The following BAALC variants were observed in gnomAD, a reference collection of about 807,000 sequenced individuals.
BAALC encodes brain and acute leukemia cytoplasmic protein.
A neutral mutation model predicts 15.5 loss-of-function variants in BAALC; 9 were observed. That is an observed-to-expected ratio of 0.58 (90% confidence interval 0.35 to 1.02). The LOEUF (loss-of-function observed/expected upper bound fraction) is 1.02, where lower values mean the gene tolerates loss of function less well. BAALC is among the 50% of genes least tolerant of loss of function. The pLI, the probability that BAALC is intolerant of heterozygous loss-of-function variation, is 0.02. For missense variants in BAALC, 201 were observed against 192.4 expected (o/e 1.04, Z -0.27); for synonymous variants, 80 against 74.6 (o/e 1.07, Z -0.37).
At chr8:103,224,792 G>A (rs759712850) in intron 2 of BAALC, among the ~76,000 whole-genome samples, 22 of 152,074 alleles carry the variant, frequency 1.4e-4, no homozygotes, top group Non-Finnish European at 2.8e-4. Flanking sequence ...AATGTTTTGG[G>A]GTAAAATATT....
At chr8:103,153,392 A>T (rs1404827797) in intron 1 of BAALC, 1 of 152,244 alleles carries the variant, frequency 6.6e-6, no homozygotes, top group East Asian at 1.9e-4. Flanking sequence ...AACAACAATA[A>T]TAATATTGTT....
intron 1 of BAALC, among the ~76,000 whole-genome samples, chr8:103,178,597 G>A (rs1026196831): frequency 2.4e-4 from 37 of 152,246 alleles, no homozygotes; most frequent in Non-Finnish European, 1.9e-4. Context: ...AGTGACTCAC[G>A]CCTGTAATCC....
Position 103,178,178 on chromosome 8 carries a change from G to C in BAALC, c.161-34741G>C, listed in dbSNP as rs115443010. ...TATCATACAAATAAATAGTGAGCAG[G>C]TATCACTATCTTTTTAACTCATTGA... is the stretch of plus-strand genomic sequence containing the variant. On this transcript the variant is annotated intron_variant, in intron 1 of 2. Transcript: ENST00000309982. 4.1e-3 allele frequency among the ~76,000 whole-genome samples: 623 copies of C among 152,286 alleles called. 7 individuals are homozygous for C. The highest frequency in any genetic ancestry group is 0.014 in the African/African-American group (595 of 41,548).
At chr8:103,213,270 G>C (rs143052013) in intron 2 of BAALC, 185 bp downstream of exon 2, 21 of 605,952 alleles carry the variant, frequency 3.5e-5, no homozygotes, top group Middle Eastern at 4.5e-4. Context: ...TGCCTTGAGG[G>C]TTGCTGCTTT....
intron 1 of BAALC, among the ~76,000 whole-genome samples, chr8:103,177,166 TTTTG>T (rs1563644205): frequency 2.3e-5 from 3 of 129,934 alleles, no homozygotes; most frequent in Non-Finnish European, 5.4e-5. Context: ...TGTGCGGGTT[TTTTG>T]TTGTTGTTGT....
chr8:103,194,706 G>A (rs1812052689), intron 1 of BAALC, among the ~76,000 whole-genome samples: 1 of 152,188 alleles, frequency 6.6e-6, no homozygotes, highest in African/African-American at 2.4e-5. Context: ...CAAGACCAAG[G>A]GGCCAGCAGG....
intron 1 of BAALC, among the ~76,000 whole-genome samples, chr8:103,207,459 T>C (rs1162848658): frequency 2.0e-5 from 3 of 152,168 alleles, no homozygotes; most frequent in Non-Finnish European, 2.9e-5. Flanking sequence ...GGAAGGCAGA[T>C]AGACAGTAGA....
At chr8:103,193,537 G>C (rs1008557434) in intron 1 of BAALC, among the ~76,000 whole-genome samples, 1 of 152,188 alleles carries the variant, frequency 6.6e-6, no homozygotes, top group Non-Finnish European at 1.5e-5. Flanking sequence ...CCCTGACCGT[G>C]TGTCAGCTCA....
chr8:103,173,646 A>G (rs1334125437), intron 1 of BAALC, among the ~76,000 whole-genome samples: 2 of 152,242 alleles, frequency 1.3e-5, no homozygotes, highest in Non-Finnish European at 2.9e-5. Flanking sequence ...TGTAGTAGGT[A>G]CTTGGTAAAG....
At chr8:103,171,285 G>A (rs1324082207) in intron 1 of BAALC, among the ~76,000 whole-genome samples, 2 of 145,630 alleles carry the variant, frequency 1.4e-5, no homozygotes, top group Non-Finnish European at 3.0e-5. Flanking sequence ...AAGAAAGAAA[G>A]AGAGAAGGAA....
chr8:103,211,773 T>C (rs1326877210), intron 1 of BAALC, among the ~76,000 whole-genome samples: 1 of 152,228 alleles, frequency 6.6e-6, no homozygotes, highest in African/African-American at 2.4e-5. Context: ...TGGGTTTTTC[T>C]TTCTCGCAGG....
At chr8:103,200,924 A>G (rs576556574) in intron 1 of BAALC, among the ~76,000 whole-genome samples, 33 of 152,328 alleles carry the variant, frequency 2.2e-4, no homozygotes, top group Admixed American at 1.8e-3. Context: ...ACCAACATTC[A>G]GACCATAGCA....
rs540261681 is a variant in BAALC, at chr8:103,189,072, A to G, written c.161-23847A>G. Among the ~76,000 whole-genome samples, 32 of 152,364 alleles carry G rather than the reference A, an allele frequency of 2.1e-4. 2 individuals carry two copies. In the South Asian group the frequency reaches 6.4e-3, roughly 31 times the overall value. On this transcript the variant is annotated intron_variant, in intron 1 of 2. Coordinates refer to ENST00000309982, the MANE Select transcript of BAALC (RefSeq NM_024812.3). Reference sequence around the variant, plus strand: ...TAGTGAGGCTTAAATAAAATAAAGCAACTAATTCAGTGCCTGGAAGGTAGT... The same window carrying G: ...TAGTGAGGCTTAAATAAAATAAAGCGACTAATTCAGTGCCTGGAAGGTAGT...
intron 1 of BAALC, among the ~76,000 whole-genome samples, chr8:103,176,304 A>C (rs1380426708): frequency 6.6e-6 from 1 of 152,172 alleles, no homozygotes; most frequent in East Asian, 1.9e-4. Context: ...ATGTACTGGC[A>C]CTTATGATGT....
rs1422613635 is a variant in BAALC, at chr8:103,230,244, C to T, written c.*2145C>T. On this transcript the variant is annotated 3_prime_UTR_variant, in exon 3 of 3. Coordinates refer to ENST00000309982, the MANE Select transcript of BAALC (RefSeq NM_024812.3). Reference sequence around the variant, plus strand: ...GAGACAGAAACTAATCCTTACTATCCTATTAGGATACCACTTTTCATTGCA... The same window carrying T: ...GAGACAGAAACTAATCCTTACTATCTTATTAGGATACCACTTTTCATTGCA... The T allele has an allele frequency of 6.6e-6, 1 of 152,182 alleles. No individual in the cohort carries two copies. Among genetic ancestry groups the T allele is most frequent in the African/African-American group, 2.4e-5 (1 of 41,436 alleles). The allele number at this position is 152,182 out of a possible 1,614,324, so 9.4% of individuals were successfully genotyped here.
chr8:103,171,433 A>G (rs2388495), intron 1 of BAALC, among the ~76,000 whole-genome samples: 81,887 of 150,170 alleles, frequency 0.55, 22,558 homozygotes, highest in Middle Eastern at 0.6. Context: ...TGAAAATAAA[A>G]AGAAAGAGAA....
At chr8:103,187,452 T>C (rs924033479) in intron 1 of BAALC, among the ~76,000 whole-genome samples, 3 of 152,198 alleles carry the variant, frequency 2.0e-5, no homozygotes, top group Non-Finnish European at 1.5e-5. Flanking sequence ...TCAATACTGC[T>C]GAGACTGAGA....
chr8:103,223,084 G>A (rs151223362), intron 2 of BAALC, among the ~76,000 whole-genome samples: 35 of 152,210 alleles, frequency 2.3e-4, no homozygotes, highest in African/African-American at 8.2e-4. Flanking sequence ...AGGCTGATGC[G>A]GGTGGACCAC....
chr8:103,221,464 CTT>C (rs11336485), intron 2 of BAALC, among the ~76,000 whole-genome samples: 9 of 145,312 alleles, frequency 6.2e-5, no homozygotes, highest in Non-Finnish European at 1.1e-4. Context: ...GGGGGCCATA[CTT>C]TTTTTTTTTT....
Sources: allele counts gnomAD v4.1 joint callset (sites outside exome capture counted in the v4.1 genomes callset), GRCh38; gene constraint gnomAD v4.1.1; transcripts MANE v1.5; gene names NCBI Gene and HGNC (gene_info 2026-07-23, HGNC 2026-07-21).